CCDC40: variants seen among roughly 807,000 people sequenced by gnomAD.
CCDC40 encodes the protein coiled-coil domain 40 molecular ruler complex subunit.
In CCDC40, 104 loss-of-function variants were observed where a neutral mutation model predicts 124.5. The observed-to-expected ratio is 0.84, with a 90% CI of 0.71 to 0.98. The LOEUF (loss-of-function observed/expected upper bound fraction) is 0.98, where lower values mean the gene tolerates loss of function less well. Among genes scored for constraint, CCDC40 ranks in the 50% least tolerant of loss-of-function variants. CCDC40 has a pLI of 0.00. For synonymous variants in CCDC40, 580 were observed against 602.9 expected (o/e 0.96, Z 0.56); for missense variants, 1,463 against 1,503.9 (o/e 0.97, Z 0.45).
intron 10 of CCDC40, 88 bp from the exon 11 acceptor site, chr17:80,081,458 A>G: frequency 1.3e-6 from 2 of 1,498,604 alleles, no homozygotes; most frequent in Non-Finnish European, 1.9e-6. Flanking sequence ...AGTTCGCCTT[A>G]GTGAGCTCCC....
At position 80,088,061 on chromosome 17, in the gene CCDC40, C is replaced by G. The variant is rs371516381; in HGVS notation, c.2670C>G (p.Ser890Arg). 12 of 1,613,582 alleles carry G rather than the reference C, an allele frequency of 7.4e-6. No homozygotes were observed. The highest frequency in any genetic ancestry group is 1.1e-5 in the South Asian group (1 of 91,042). ...IKMQDKLNQL[S>R]EEKATLLNQL... ...TGCAGGACAAGCTGAACCAGCTCAG[C>G]GAGGAGAAGGCGACCCTCCTGAATC... Residue 890 changes from serine to arginine, a missense_variant, in exon 16 of 20, where the codon AGC (serine) becomes AGG (arginine). Coordinates refer to ENST00000397545, the MANE Select transcript of CCDC40 (RefSeq NM_017950.4).
rs1285408113 is a variant in CCDC40, at chr17:80,099,672, C to A, written c.3326C>A (p.Thr1109Asn). 6.2e-7 allele frequency: 1 copy of A among 1,613,828 alleles called. No individual in the cohort carries two copies. Among genetic ancestry groups the A allele is most frequent in the African/African-American group, 1.3e-5 (1 of 74,930 alleles). The change falls in exon 20 of 20, where the codon ACC (threonine) becomes AAC (asparagine). Residue 1109 changes from threonine to asparagine, a missense_variant. Physicochemically the swap from Thr to Asn is moderately conservative, Grantham distance 65 (BLOSUM62 0). Transcript: ENST00000397545. The part of the protein sequence containing the change: ...RLDKRLALIA[T>N]ILDRVRDEYP... The stretch of plus-strand genomic sequence containing the variant: ...GACAAGCGACTGGCTCTCATCGCCA[C>A]CATCCTGGACCGCGTGCGGGACGAG...
chr17:80,093,204 A>G (rs1003208749), intron 17 of CCDC40, among the ~76,000 whole-genome samples: 1 of 151,996 alleles, frequency 6.6e-6, no homozygotes, highest in Non-Finnish European at 1.5e-5. Context: ...TTTAAGACAG[A>G]GTCTTGCTCT....
chr17:80,037,683 T>TAAA (rs11312279), intron 1 of CCDC40, among the ~76,000 whole-genome samples: 16 of 44,392 alleles, frequency 3.6e-4, no homozygotes, highest in African/African-American at 9.1e-4. Flanking sequence ...TTTAATTTTT[T>TAAA]AAAAAAGATA....
chr17:80,093,909 T>C (rs954148828), intron 17 of CCDC40, among the ~76,000 whole-genome samples: 1 of 152,202 alleles, frequency 6.6e-6, no homozygotes, highest in Non-Finnish European at 1.5e-5. Flanking sequence ...CTCTGACCTA[T>C]CATTGTCTTT....
intron 3 of CCDC40, among the ~76,000 whole-genome samples, chr17:80,042,286 A>C (rs2037302403): frequency 6.6e-6 from 1 of 151,896 alleles, no homozygotes; most frequent in African/African-American, 2.4e-5. Flanking sequence ...ACCTGGCTAA[A>C]ATTCGGTATT....
At chr17:80,046,375 AT>A (rs1390707089) in intron 3 of CCDC40, among the ~76,000 whole-genome samples, 1 of 151,984 alleles carries the variant, frequency 6.6e-6, no homozygotes, top group Non-Finnish European at 1.5e-5. Context: ...TAAGTAAAAT[AT>A]TAAAAAATTA....
Position 80,040,209 on chromosome 17 carries a change from GAGTCTT to G in CCDC40, c.494_499del (p.Val165_Leu166del). The G allele has an allele frequency of 6.2e-7, 1 of 1,614,058 alleles. No homozygotes were observed. Among genetic ancestry groups the G allele is most frequent in the Non-Finnish European group, 8.5e-7 (1 of 1,179,986 alleles). Reference sequence around the variant, plus strand: ...GTCACCTCCCCAGAGCCATCCCACGGAGTCTTAGGCCCGTCGGAGCAAATGGGCCAG... The same window carrying G: ...GTCACCTCCCCAGAGCCATCCCACGGAGGCCCGTCGGAGCAAATGGGCCAG... On this transcript the variant is annotated inframe_deletion, in exon 3 of 20. Transcript: ENST00000397545.
At chr17:80,065,326 C>G (rs1427415059) in intron 9 of CCDC40, among the ~76,000 whole-genome samples, 159 bp from the exon 10 acceptor site, 1 of 149,674 alleles carries the variant, frequency 6.7e-6, no homozygotes, top group Non-Finnish European at 1.5e-5. Context: ...AAGCTACATT[C>G]AGGCTCGTGT....
intron 17 of CCDC40, among the ~76,000 whole-genome samples, chr17:80,093,541 C>A (rs1241577144): frequency 6.9e-6 from 1 of 144,482 alleles, no homozygotes; most frequent in African/African-American, 2.6e-5. Flanking sequence ...TTGAAACAGT[C>A]TCGCTCTGTT....
chr17:80,041,288 A>C (rs2037274967), intron 3 of CCDC40, among the ~76,000 whole-genome samples: 1 of 152,132 alleles, frequency 6.6e-6, no homozygotes, highest in South Asian at 2.1e-4. Flanking sequence ...CGGGTGGATC[A>C]CTTGAGGCCA....
chr17:80,090,313 AAC>A lies in CCDC40; in HGVS notation c.2832+432_2832+433del, dbSNP rs1238130404. 1.4e-5 allele frequency: 18 copies of A among 1,332,440 alleles called. 2 individuals carry two copies. In the East Asian group the frequency reaches 1.7e-4, roughly 13 times the overall value. 82.5% of individuals were successfully genotyped at this position (1,332,440 alleles called of 1,614,324 possible). On this transcript the variant is annotated intron_variant, in intron 17 of 19. Transcript: ENST00000397545. ...GACGCGCGCAGGCACGTGCACGAAC[AAC>A]ACGGGACGCGCGCAGGCACGTGCAC...
At chr17:80,088,245 G>T (rs1201751744) in intron 16 of CCDC40, 143 bp downstream of exon 16, 3 of 719,174 alleles carry the variant, frequency 4.2e-6, no homozygotes, top group Non-Finnish European at 7.7e-6. Context: ...TTGTTGTTTT[G>T]TTTTTTGTTT....
chr17:80,075,098 A>G (rs1420686362), intron 10 of CCDC40, among the ~76,000 whole-genome samples: 2 of 151,614 alleles, frequency 1.3e-5, no homozygotes. Flanking sequence ...AATTTTTTAT[A>G]TTTTTAGTAG....
intron 17 of CCDC40, among the ~76,000 whole-genome samples, chr17:80,091,126 A>G (rs370868406): frequency 2.0e-5 from 3 of 152,308 alleles, no homozygotes; most frequent in East Asian, 1.9e-4. Context: ...TTGGCCCTAC[A>G]TGGTTACTAA....
rs2143576739 is a variant in CCDC40, at chr17:80,039,928, G to C, written c.210G>C (p.Glu70Asp). 6.2e-7 allele frequency: 1 copy of C among 1,613,564 alleles called. No individual in the cohort carries two copies. Among genetic ancestry groups the C allele is most frequent in the Non-Finnish European group, 8.5e-7 (1 of 1,179,586 alleles). Residue 70 changes from glutamate to aspartate, a missense_variant, in exon 3 of 20, where the codon GAG becomes GAC. Glu to Asp is a conservative substitution (Grantham distance 45, BLOSUM62 2). Transcript: ENST00000397545. ...AEAAIEEGEV[E>D]TEGEAAVEGE... is the part of the protein sequence containing the mutation. ...CTGCAATTGAAGAGGGGGAGGTGGA[G>C]ACAGAAGGGGAAGCAGCAGTGGAAG...
chr17:80,075,699 G>A (rs941980541), intron 10 of CCDC40, among the ~76,000 whole-genome samples: 3 of 151,934 alleles, frequency 2.0e-5, no homozygotes, highest in Admixed American at 1.3e-4. Context: ...GGCTGGTCTC[G>A]AACTCCTGAC....
intron 9 of CCDC40, among the ~76,000 whole-genome samples, chr17:80,061,801 T>C (rs2037904142): frequency 6.6e-6 from 1 of 152,134 alleles, no homozygotes; most frequent in East Asian, 1.9e-4. Context: ...CAGATTGGCC[T>C]TTATCTTTAT....
At position 80,067,683 on chromosome 17, in the gene CCDC40, C is replaced by T. The variant is rs749248986; in HGVS notation, c.1562+2077C>T. 5.9e-6 allele frequency: 9 copies of T among 1,535,798 alleles called. No individual in the cohort carries two copies. The South Asian group carries it at 7.1e-5, about 12-fold the overall frequency. On this transcript the variant is annotated intron_variant, in intron 10 of 19. Transcript: ENST00000397545. ...AGATAACCGGATCCGCGAATGCTAA[C>T]GCTCACCAGGATGCTATATAGCCTT...
Sources: gnomAD v4.1 joint callset for allele counts (sites outside exome capture counted in the v4.1 genomes callset) on GRCh38, gnomAD v4.1.1 for gene constraint, MANE v1.5 for transcripts, NCBI Gene and HGNC (gene_info 2026-07-23, HGNC 2026-07-21) for gene names.